FAM151B: variants seen among roughly 807,000 people sequenced by gnomAD.
FAM151B encodes protein FAM151B.
A neutral mutation model predicts 31.2 loss-of-function variants in FAM151B; 24 were observed. The observed-to-expected ratio is 0.77, with a 90% CI of 0.56 to 1.08. FAM151B has a LOEUF of 1.08. Among genes scored for constraint, FAM151B ranks in the 50% least tolerant of loss-of-function variants. The probability of loss-of-function intolerance (pLI) is 0.00; values close to 1 mark genes in which losing one functional copy is unlikely to be tolerated. For missense variants in FAM151B, 293 were observed against 328.6 expected (o/e 0.89, Z 0.84); for synonymous variants, 105 against 111.4 (o/e 0.94, Z 0.36).
chr5:80,538,937 A>G (rs1745737081), intron 5 of FAM151B, among the ~76,000 whole-genome samples: 1 of 150,056 alleles, frequency 6.7e-6, no homozygotes, highest in Non-Finnish European at 1.5e-5. Flanking sequence ...GGTATGTCAT[A>G]CACCTTGCTT....
At chr5:80,504,503 C>T (rs248995) in intron 2 of FAM151B, among the ~76,000 whole-genome samples, 113,641 of 140,914 alleles carry the variant, frequency 0.81, 47,871 homozygotes, top group East Asian at 0.92. Context: ...TAGCAGACTG[C>T]GACTATTACT....
intron 2 of FAM151B, among the ~76,000 whole-genome samples, chr5:80,513,140 G>A (rs1744259374): frequency 6.6e-6 from 1 of 152,170 alleles, no homozygotes; most frequent in Admixed American, 6.5e-5. Flanking sequence ...CTGTTCAAAG[G>A]ATGTATGCTT....
intron 4 of FAM151B, among the ~76,000 whole-genome samples, chr5:80,521,106 T>G (rs1345991292): frequency 7.8e-6 from 1 of 128,244 alleles, no homozygotes; most frequent in African/African-American, 2.9e-5. Flanking sequence ...CATGAGCCAC[T>G]GCACCTGGCC....
At chr5:80,501,988 G>A in intron 2 of FAM151B, 71 bp downstream of exon 2, 1 of 1,294,718 alleles carries the variant, frequency 7.7e-7, no homozygotes, top group Non-Finnish European at 1.0e-6. Flanking sequence ...TGATATCTAG[G>A]TATATTTGCA....
chr5:80,514,500 T>TAATAATA (rs1167533929), intron 3 of FAM151B, among the ~76,000 whole-genome samples: 1 of 148,020 alleles, frequency 6.8e-6, no homozygotes, highest in African/African-American at 2.5e-5. Context: ...ATAATAATAA[T>TAATAATA]AATAATAATA....
In FAM151B at chr5:80,522,094, G is replaced by A; in HGVS notation, c.627G>A (p.Arg209=). ...VTFPVRAALV[R]QSCSQLLWLL... is the part of the protein sequence containing the mutation. ...TCCCTGTCAGAGCAGCATTAGTCAGGCAGTCTTGTTCTCAGTTACTTTGGC... is the reference window on the plus strand; with the variant it reads ...TCCCTGTCAGAGCAGCATTAGTCAGACAGTCTTGTTCTCAGTTACTTTGGC... Residue 209 remains arginine (R), a synonymous_variant, in exon 5 of 6, where the codon AGG becomes AGA. Transcript: ENST00000282226. 1 of 1,613,110 alleles carries A rather than the reference G, an allele frequency of 6.2e-7. No homozygotes were observed. Among genetic ancestry groups the A allele is most frequent in the South Asian group, 1.1e-5 (1 of 90,942 alleles).
intron 5 of FAM151B, among the ~76,000 whole-genome samples, chr5:80,528,430 G>GA (rs377604799): frequency 3.3e-4 from 49 of 146,442 alleles, no homozygotes; most frequent in Middle Eastern, 3.4e-3. Flanking sequence ...CTGAATGGAT[G>GA]AAAAAAAAAA....
intron 1 of FAM151B, among the ~76,000 whole-genome samples, chr5:80,493,771 A>G (rs1176878607): frequency 6.6e-6 from 1 of 152,164 alleles, no homozygotes; most frequent in Admixed American, 6.5e-5. Context: ...GTTTCCTGTT[A>G]AGATGTTTAT....
intron 5 of FAM151B, among the ~76,000 whole-genome samples, chr5:80,537,050 T>C (rs1469700727): frequency 6.6e-6 from 1 of 152,254 alleles, no homozygotes; most frequent in Non-Finnish European, 1.5e-5. Context: ...AATTGAATTG[T>C]TTGTAACACA....
intron 5 of FAM151B, 47 bp from the exon 6 acceptor site, chr5:80,541,626 G>T: frequency 6.4e-7 from 1 of 1,574,072 alleles, no homozygotes; most frequent in Middle Eastern, 1.7e-4. Context: ...ATGACTCATC[G>T]CTTTCTTCCA....
At chr5:80,513,347 G>C (rs1744268012) in intron 2 of FAM151B, among the ~76,000 whole-genome samples, 1 of 152,166 alleles carries the variant, frequency 6.6e-6, no homozygotes, top group African/African-American at 2.4e-5. Context: ...AAGAAATTCA[G>C]AATTTGTATG....
At chr5:80,527,916 G>A (rs1745044771) in intron 5 of FAM151B, among the ~76,000 whole-genome samples, 1 of 151,916 alleles carries the variant, frequency 6.6e-6, no homozygotes. Context: ...AAATCTTTTT[G>A]ACTCTTTAGC....
intron 2 of FAM151B, 64 bp from the exon 3 acceptor site, chr5:80,513,540 G>A: frequency 6.9e-7 from 1 of 1,451,834 alleles, no homozygotes; most frequent in Non-Finnish European, 9.3e-7. Flanking sequence ...TACTGAACAT[G>A]GTGCCTCCTG....
chr5:80,533,990 A>G (rs1270499413), intron 5 of FAM151B, among the ~76,000 whole-genome samples: 1 of 152,146 alleles, frequency 6.6e-6, no homozygotes, highest in Non-Finnish European at 1.5e-5. Flanking sequence ...CTATATGCCA[A>G]TAAACTGGAA....
At chr5:80,505,718 C>T (rs1743929613) in intron 2 of FAM151B, among the ~76,000 whole-genome samples, 2 of 148,958 alleles carry the variant, frequency 1.3e-5, no homozygotes. Flanking sequence ...CTTACTACAT[C>T]ACCAGTCCCC....
chr5:80,497,409 C>A (rs1306132870), intron 1 of FAM151B, among the ~76,000 whole-genome samples: 2 of 145,000 alleles, frequency 1.4e-5, no homozygotes, highest in Non-Finnish European at 3.0e-5. Context: ...AGCAAGACTC[C>A]GGCTCAAAAA....
Position 80,499,865 on chromosome 5 carries a change from T to G in FAM151B, c.26-1927T>G, listed in dbSNP as rs1743680091. On this transcript the variant is annotated intron_variant, in intron 1 of 5. Transcript: ENST00000282226. ...CTGTTCTTTGTTAATTTTTTTTTTTTTTTTTACTCTATAACTCAGCAATCC... is the reference window on the plus strand; with the variant it reads ...CTGTTCTTTGTTAATTTTTTTTTTTGTTTTTACTCTATAACTCAGCAATCC... The G allele has an allele frequency of 2.0e-5, 3 of 151,836 alleles. No homozygotes were observed. In the South Asian group the frequency reaches 6.2e-4, roughly 32 times the overall value. The allele number at this position is 151,836 out of a possible 1,614,324, so 9.4% of individuals were successfully genotyped here.
intron 1 of FAM151B, among the ~76,000 whole-genome samples, chr5:80,498,217 G>T (rs1330129085): frequency 2.6e-5 from 4 of 152,156 alleles, no homozygotes; most frequent in Non-Finnish European, 5.9e-5. Context: ...GCCATGTGTT[G>T]CCATCTCAGT....
chr5:80,497,282 C>T (rs1453536601), intron 1 of FAM151B, among the ~76,000 whole-genome samples: 17 of 151,778 alleles, frequency 1.1e-4, no homozygotes, highest in South Asian at 2.1e-4. Context: ...AAAAAGCAGC[C>T]GATGTGATGG....
Sources: gnomAD v4.1 joint callset for allele counts (sites outside exome capture counted in the v4.1 genomes callset) on GRCh38, gnomAD v4.1.1 for gene constraint, MANE v1.5 for transcripts, NCBI Gene and HGNC (gene_info 2026-07-23, HGNC 2026-07-21) for gene names.